The following PAH variants were observed in gnomAD, a reference collection of about 807,000 sequenced individuals.
The protein encoded by PAH is phenylalanine hydroxylase, also known as phenylalanine-4-hydroxylase.
A neutral mutation model predicts 62.0 loss-of-function variants in PAH; 64 were observed. The ratio of observed to expected loss-of-function variants is 1.03; its 90% confidence interval spans 0.84 to 1.27. PAH has a LOEUF of 1.27. Among genes scored for constraint, PAH ranks in the 50% most tolerant of loss-of-function variants. The pLI is 0.00. For missense variants in PAH, 579 were observed against 542.8 expected, an observed-to-expected ratio of 1.07 and a Z score of -0.66; for synonymous variants, 195 against 196.2, an observed-to-expected ratio of 0.99 and a Z score of 0.05.
intron 11 of PAH, among the ~76,000 whole-genome samples, chr12:102,843,274 C>A (rs1265243491): frequency 6.6e-6 from 1 of 151,200 alleles, no homozygotes; most frequent in Non-Finnish European, 1.5e-5. Context: ...TGGGTAAAGA[C>A]ACAAAGGAGG....
intron 1 of PAH, among the ~76,000 whole-genome samples, chr12:102,916,352 G>C (rs1878383692): frequency 6.6e-6 from 1 of 152,120 alleles, no homozygotes; most frequent in Non-Finnish European, 1.5e-5. Flanking sequence ...AAGAGTCCAG[G>C]AGCAGACTTC....
intron 3 of PAH, among the ~76,000 whole-genome samples, chr12:102,883,434 CTTT>C (rs779301935): frequency 1.6e-4 from 25 of 152,218 alleles, no homozygotes; most frequent in Admixed American, 7.2e-4. Flanking sequence ...CTCTGGGTGA[CTTT>C]TTCCTTCTCC....
chr12:102,881,364 T>C (rs1451681892), intron 3 of PAH, among the ~76,000 whole-genome samples: 1 of 151,770 alleles, frequency 6.6e-6, no homozygotes, highest in African/African-American at 2.4e-5. Context: ...AAATTATAAA[T>C]ACAATGTAAT....
rs192738952 is a variant in PAH, at chr12:102,957,492, G to A, written c.-96+703C>T. Among the ~76,000 whole-genome samples the A allele has an allele frequency of 4.6e-5, 3 of 64,824 alleles. No homozygotes were observed. The highest frequency in any genetic ancestry group is 2.0e-4 in the African/African-American group (2 of 10,226). The allele number at this position is 64,824 out of a possible 152,430, so 42.5% of individuals were successfully genotyped here. ...AAGGAGCGGGAGAAAGGAACGGGAG[G>A]GGGGGAGAGGAGAGGAGGAGGGGGA... On this transcript the variant is annotated intron_variant, in intron 1 of 4. Coordinates refer to the PAH transcript ENST00000551337. The surrounding 1 kb of genome is among the most constrained non-coding windows in gnomAD (Gnocchi z 4.1).
At chr12:102,859,461 C>A (rs1418191626) in intron 5 of PAH, among the ~76,000 whole-genome samples, 3 of 152,194 alleles carry the variant, frequency 2.0e-5, no homozygotes, top group African/African-American at 7.2e-5. Context: ...GGAATCCTCC[C>A]TAACTCATTT....
At chr12:102,870,639 G>T (rs1876268963) in intron 4 of PAH, among the ~76,000 whole-genome samples, 1 of 152,184 alleles carries the variant, frequency 6.6e-6, no homozygotes, top group South Asian at 2.1e-4. Flanking sequence ...AACATCTACA[G>T]AATTCTTACC....
chr12:102,864,178 T>C (rs1468196744), intron 5 of PAH, among the ~76,000 whole-genome samples: 1 of 152,126 alleles, frequency 6.6e-6, no homozygotes, highest in Non-Finnish European at 1.5e-5. Flanking sequence ...ATAGGGAGTT[T>C]CAGAGTGGGG....
Position 102,852,925 on chromosome 12 carries a change from A to G in PAH, c.732T>C (p.Pro244=). ...CCCGAGAGGAAAGCAGGCCAGCCAC[A>G]GGTCGGAGGCGGAAACCAGTGCAAG... The part of the protein sequence containing the change: ...LQTCTGFRLR[P]VAGLLSSRDF... The change falls in exon 7 of 13, where the codon CCT becomes CCC. Residue 244 remains proline, a synonymous_variant. Transcript: ENST00000553106. 1 of 1,614,134 alleles carries G rather than the reference A, an allele frequency of 6.2e-7. No individual in the cohort carries two copies. The highest frequency in any genetic ancestry group is 8.5e-7 in the Non-Finnish European group (1 of 1,180,016).
Position 102,896,192 on chromosome 12 carries a change from C to CTT in PAH, c.169-1275_169-1274insAA, listed in dbSNP as rs1421256074. ...GACTAAATAGGGCAGGCACATGGGG[C>CTT]CTCATTGGGATGGCAAGATTTATGT... On this transcript the variant is annotated intron_variant, in intron 2 of 12. Transcript: ENST00000553106. Among the ~76,000 whole-genome samples the CTT allele has an allele frequency of 5.4e-3, 826 of 152,148 alleles. 3 individuals are homozygous for CTT. Among genetic ancestry groups the CTT allele is most frequent in the South Asian group, 0.011 (51 of 4,808 alleles).
chr12:102,904,028 G>C (rs1318281622), intron 2 of PAH, among the ~76,000 whole-genome samples: 3 of 152,140 alleles, frequency 2.0e-5, no homozygotes, highest in African/African-American at 7.2e-5. Flanking sequence ...TTAAACCAAT[G>C]CATAAATAAT....
upstream of PAH, among the ~76,000 whole-genome samples, chr12:102,952,634 C>T (rs1453975383): frequency 1.3e-5 from 2 of 152,130 alleles, no homozygotes; most frequent in African/African-American, 4.8e-5. Context: ...CGTTACTTCT[C>T]CTTATTTGGA....
chr12:102,912,818 T>C lies in PAH; in HGVS notation c.141A>G (p.Ala47=). 1 of 1,613,246 alleles carries C rather than the reference T, an allele frequency of 6.2e-7. No individual in the cohort carries two copies. The highest frequency in any genetic ancestry group is 2.2e-5 in the East Asian group (1 of 44,824). The part of the protein sequence containing the change: ...LIFSLKEEVG[A]LAKVLRLFEE... ...CAAATAAGCGCAATACTTTGGCCAA[T>C]GCACCAACTTCTTCTTTGAGTGAGA... The change falls in exon 2 of 13, where the codon GCA becomes GCG. Residue 47 remains alanine, a synonymous_variant. Coordinates refer to ENST00000553106, the MANE Select transcript of PAH (RefSeq NM_000277.3).
At chr12:102,946,545 C>A (rs1349428193) in intron 1 of PAH, 1 of 152,356 alleles carries the variant, frequency 6.6e-6, no homozygotes, top group African/African-American at 2.4e-5. Context: ...CAGGGCAGGA[C>A]AATGCCAAGT....
At position 102,843,638 on chromosome 12, in the gene PAH, C is replaced by T. The variant is rs1399716704; in HGVS notation, c.1199+8G>A. The T allele has an allele frequency of 6.2e-7, 1 of 1,613,414 alleles. No individual in the cohort carries two copies. Among genetic ancestry groups the T allele is most frequent in the Non-Finnish European group, 8.5e-7 (1 of 1,179,644 alleles). ...AGAGCTAGTGGCTCACCTTTGTCAC[C>T]ACCTCACCTTACTTTCTCCTTGGCA... On this transcript the variant is annotated splice_region_variant and intron_variant, in intron 11 of 12. Coordinates refer to ENST00000553106, the MANE Select transcript of PAH (RefSeq NM_000277.3).
intron 3 of PAH, among the ~76,000 whole-genome samples, chr12:102,884,908 T>A (rs1341572440): frequency 6.6e-6 from 1 of 152,184 alleles, no homozygotes; most frequent in Non-Finnish European, 1.5e-5. Flanking sequence ...TCCCAGGTGG[T>A]AGACATTATT....
chr12:102,857,815 C>T (rs1875510983), intron 5 of PAH, among the ~76,000 whole-genome samples: 1 of 152,142 alleles, frequency 6.6e-6, no homozygotes, highest in African/African-American at 2.4e-5. Flanking sequence ...ACAAGAGCTC[C>T]TGAAGGAAGC....
At chr12:102,919,370 C>A (rs1322787352), upstream of PAH, among the ~76,000 whole-genome samples, 6 of 152,278 alleles carry the variant, frequency 3.9e-5, no homozygotes, top group Non-Finnish European at 7.3e-5. Context: ...TTGATACAGG[C>A]ATGCAATGTG....
chr12:102,870,250 G>A (rs192095331), intron 4 of PAH, among the ~76,000 whole-genome samples: 1 of 152,272 alleles, frequency 6.6e-6, no homozygotes, highest in East Asian at 1.9e-4. Context: ...CATAGCTAAG[G>A]TTAAACCTCA....
chr12:102,844,480 A>T (rs1874744859), intron 9 of PAH, 49 bp from the exon 10 acceptor site: 2 of 1,222,140 alleles, frequency 1.6e-6, no homozygotes, highest in Non-Finnish European at 2.4e-6. Flanking sequence ...GGTTAATTTT[A>T]TGTGTCACCT....
Sources: gnomAD v4.1 joint callset for allele counts (sites outside exome capture counted in the v4.1 genomes callset) on GRCh38, gnomAD v4.1.1 for gene constraint, Gnocchi (gnomAD v3.1) non-coding constraint, MANE v1.5 for transcripts, NCBI Gene and HGNC (gene_info 2026-07-23, HGNC 2026-07-21) for gene names.